PHF8: variants seen among roughly 807,000 people sequenced by gnomAD.
PHF8 encodes the protein histone lysine demethylase PHF8.
In PHF8, 9 loss-of-function variants were observed where a neutral mutation model predicts 74.4. The observed-to-expected ratio is 0.12, with a 90% CI of 0.07 to 0.21. PHF8 has a LOEUF of 0.21. PHF8 is among the 10% of genes least tolerant of loss of function. PHF8 has a pLI of 1.00. For missense variants in PHF8, 478 were observed against 816.6 expected (o/e 0.59, Z 5.05); for synonymous variants, 311 against 316.6 (o/e 0.98, Z 0.19).
chrX:53,993,526 A>G, intron 13 of PHF8, 75 bp downstream of exon 13: 1 of 900,997 alleles, frequency 1.1e-6, no homozygotes, highest in Non-Finnish European at 1.6e-6. Flanking sequence ...CAGACAGGAT[A>G]GCCTGCTTTT....
rs781852949 is a variant in PHF8 at position 53,985,067 on chromosome X, T to C, written c.2290A>G (p.Thr764Ala). Residue 764 changes from threonine (T) to alanine (A), a missense_variant, in exon 18 of 22, where the codon ACA becomes GCA. Thr to Ala is a moderately conservative substitution (Grantham distance 58, BLOSUM62 0). This residue lies in a region of PHF8 where 51 missense variants were observed against 45.8 expected (regional missense o/e 1.11). Transcript: ENST00000338154. Reference protein sequence around the residue: ...SSGSSSSGLGTVSNSPASQRT... With the variant: ...SSGSSSSGLGAVSNSPASQRT... ...TGGGAAGCAGGACTGTTAGACACTGTGCCCAGCCCACTGCTGGAGCTCCCA... is the reference window on the plus strand; with the variant it reads ...TGGGAAGCAGGACTGTTAGACACTGCGCCCAGCCCACTGCTGGAGCTCCCA... 7 of 1,209,632 alleles carry C rather than the reference T, an allele frequency of 5.8e-6. No homozygotes were observed. The highest frequency in any genetic ancestry group is 7.8e-6 in the Non-Finnish European group (7 of 894,992).
intron 18 of PHF8, among the ~76,000 whole-genome samples, chrX:53,969,249 C>CA (rs1337756223): frequency 5.5e-5 from 6 of 108,902 alleles, no homozygotes; most frequent in African/African-American, 1.3e-4. Context: ...ACAACAACAA[C>CA]AAAAAAAACA....
intron 19 of PHF8, among the ~76,000 whole-genome samples, chrX:53,961,311 C>G (rs1264017993): frequency 9.2e-6 from 1 of 108,756 alleles, no homozygotes; most frequent in East Asian, 2.9e-4. Context: ...GCATGAGCCA[C>G]ACTGCACCTA....
intron 18 of PHF8, among the ~76,000 whole-genome samples, chrX:53,970,424 A>C: frequency 8.9e-6 from 1 of 112,209 alleles, no homozygotes; most frequent in African/African-American, 3.2e-5. Context: ...TGACACTATG[A>C]AGCAACCATA....
At position 54,014,581 on chromosome X, in the gene PHF8, G is replaced by A; in HGVS notation, c.597-18C>T. On this transcript the variant is annotated intron_variant, in intron 6 of 21. Transcript: ENST00000338154. ...TAGAAAGTCTACCAAGGAAGGGGTG[G>A]AGAGCAGATGTCAGCTGATTAGGAA... 1 of 1,122,897 alleles carries A rather than the reference G, an allele frequency of 8.9e-7. No homozygotes were observed. Among genetic ancestry groups the A allele is most frequent in the African/African-American group, 1.8e-5 (1 of 56,234 alleles). The allele number at this position is 1,122,897 out of a possible 1,213,427, so 92.5% of individuals were successfully genotyped here.
chrX:54,043,147 T>G (rs888610682), intron 1 of PHF8: 3 of 804,598 alleles, frequency 3.7e-6, no homozygotes, highest in African/African-American at 4.5e-5. Context: ...CATCTCTCAC[T>G]GAACCCTCCC....
In PHF8 at chrX:53,975,765, A is replaced by G. The variant is rs183809833; in HGVS notation, c.2443+9149T>C. ...AAATAGTTGGTTAATGGGTACAAAA[A>G]TACAGTTAGATAGAAGGAATAAATT... On this transcript the variant is annotated intron_variant, in intron 18 of 21. Coordinates refer to ENST00000338154, the MANE Select transcript of PHF8 (RefSeq NM_015107.3). Among the ~76,000 whole-genome samples the G allele has an allele frequency of 1.3e-3, 150 of 111,839 alleles. 1 individual carries two copies. Among genetic ancestry groups the G allele is most frequent in the African/African-American group, 4.7e-3 (146 of 30,793 alleles).
chrX:53,965,784 G>A (rs901635759), intron 18 of PHF8, among the ~76,000 whole-genome samples: 1 of 111,438 alleles, frequency 9.0e-6, no homozygotes, highest in African/African-American at 3.3e-5. Flanking sequence ...AGCAACAAAA[G>A]CAAACTGAGG....
At chrX:53,959,580 G>A (rs1053996993) in intron 19 of PHF8, among the ~76,000 whole-genome samples, 2 of 110,897 alleles carry the variant, frequency 1.8e-5, no homozygotes, top group Non-Finnish European at 3.8e-5. Context: ...TACAAAGTAG[G>A]TAATCAAGAG....
Position 54,008,321 on chromosome X carries a change from C to T in PHF8, c.946+2801G>A, listed in dbSNP as rs149788477. Among the ~76,000 whole-genome samples the T allele has an allele frequency of 7.9e-3, 806 of 102,065 alleles. 9 individuals are homozygous for T. Among genetic ancestry groups the T allele is most frequent in the African/African-American group, 0.028 (767 of 27,490 alleles). 88.6% of individuals were successfully genotyped at this position (102,065 alleles called of 115,157 possible). A position where few individuals can be genotyped will look rare whatever the true frequency, so the allele number is the denominator to read the frequency against. On this transcript the variant is annotated intron_variant, in intron 8 of 21. Coordinates refer to ENST00000338154, the MANE Select transcript of PHF8 (RefSeq NM_015107.3). ...GGCGGAGGTTGCAGTGAGTGGAGAT[C>T]GCGCCACTGCACCACTGCACTCCAG...
intron 6 of PHF8, 96 bp downstream of exon 6, chrX:54,016,499 A>G: frequency 1.2e-6 from 1 of 815,476 alleles, no homozygotes; most frequent in East Asian, 3.2e-5. Flanking sequence ...GTCTCAAAAA[A>G]AAAAAAAAAG....
upstream of PHF8, among the ~76,000 whole-genome samples, chrX:54,045,515 C>G (rs1431620153): frequency 1.8e-5 from 2 of 112,055 alleles, no homozygotes; most frequent in African/African-American, 3.2e-5. Flanking sequence ...AACAAAGTTG[C>G]GAGTAAACAA....
chrX:53,957,863 C>T (rs1029147312), intron 19 of PHF8, among the ~76,000 whole-genome samples: 1 of 111,320 alleles, frequency 9.0e-6, no homozygotes, highest in Non-Finnish European at 1.9e-5. Flanking sequence ...AAGTAGCCAT[C>T]TTGTGACTCT....
chrX:53,944,538 T>TG, intron 19 of PHF8: 1 of 272,555 alleles, frequency 3.7e-6, no homozygotes, highest in Non-Finnish European at 6.6e-6. Flanking sequence ...GAGGGTGAGG[T>TG]GGGACCCTGT....
intron 2 of PHF8, among the ~76,000 whole-genome samples, chrX:54,028,901 T>C (rs1458265906): frequency 8.9e-6 from 1 of 112,198 alleles, no homozygotes; most frequent in African/African-American, 3.2e-5. Context: ...TTACTAGCTG[T>C]GGGATCTTGG....
intron 19 of PHF8, among the ~76,000 whole-genome samples, chrX:53,961,668 C>G (rs1039416175): frequency 2.7e-5 from 3 of 110,729 alleles, no homozygotes; most frequent in Non-Finnish European, 5.7e-5. Flanking sequence ...ACTAACATAA[C>G]ACTTCTGAGG....
At chrX:53,941,762 C>T (rs1220283601) in intron 20 of PHF8, among the ~76,000 whole-genome samples, 2 of 111,836 alleles carry the variant, frequency 1.8e-5, no homozygotes, top group African/African-American at 3.3e-5. Context: ...TCTATAATTA[C>T]TCATTTAATA....
At chrX:53,998,445 TTC>T (rs1322329770) in intron 11 of PHF8, among the ~76,000 whole-genome samples, 4 of 109,471 alleles carry the variant, frequency 3.7e-5, no homozygotes, top group African/African-American at 1.3e-4. Flanking sequence ...CAGAGTGAGG[TTC>T]TGTCTCATAA....
chrX:53,938,869 A>G lies in PHF8; in HGVS notation c.*289T>C, dbSNP rs1203169845. On this transcript the variant is annotated 3_prime_UTR_variant, in exon 22 of 22. Coordinates refer to ENST00000338154, the MANE Select transcript of PHF8 (RefSeq NM_015107.3). ...ATGAAGAATAAAGAACAGACAAGGC[A>G]GGTGACGGGAGTGGTTTGGACGAGT... is the stretch of plus-strand genomic sequence containing the variant. 1.1e-6 allele frequency: 1 copy of G among 893,564 alleles called. No individual in the cohort carries two copies. Among genetic ancestry groups the G allele is most frequent in the African/African-American group, 2.0e-5 (1 of 49,001 alleles). The allele number at this position is 893,564 out of a possible 1,213,427, so 73.6% of individuals were successfully genotyped here.
Sources: allele counts gnomAD v4.1 joint callset (sites outside exome capture counted in the v4.1 genomes callset), GRCh38; gene constraint gnomAD v4.1.1; regional missense constraint gnomAD v4.1.1; transcripts MANE v1.5; gene names NCBI Gene and HGNC (gene_info 2026-07-23, HGNC 2026-07-21).